NUP214: variants seen among roughly 807,000 people sequenced by gnomAD.
The protein encoded by NUP214 is nuclear pore complex protein Nup214.
NUP214 carries 79 observed loss-of-function variants against 196.2 expected under a neutral mutation model. That is an observed-to-expected ratio of 0.40 (90% CI 0.34 to 0.49). The LOEUF (loss-of-function observed/expected upper bound fraction) is 0.49, where lower values mean the gene tolerates loss of function less well. Among genes scored for constraint, NUP214 ranks in the 20% least tolerant of loss-of-function variants. NUP214 has a pLI of 0.58. For missense variants in NUP214, 2,468 were observed against 2,539.0 expected (o/e 0.97, Z 0.60); for synonymous variants, 1,020 against 990.5 (o/e 1.03, Z -0.56).
intron 32 of NUP214, 99 bp downstream of exon 32, chr9:131,223,029 A>G (rs909379834): frequency 5.1e-6 from 6 of 1,180,518 alleles, no homozygotes; most frequent in Non-Finnish European, 3.5e-6. Flanking sequence ...ATCTTAAGAG[A>G]GTAGGATTGG....
At chr9:131,230,794 C>A in intron 34 of NUP214, 25 bp downstream of exon 34, 1 of 1,607,086 alleles carries the variant, frequency 6.2e-7, no homozygotes, top group Non-Finnish European at 8.5e-7. Context: ...GTTCTCCCCT[C>A]ACAAGCAAAA....
At chr9:131,161,772 G>A (rs1246643801) in intron 18 of NUP214, among the ~76,000 whole-genome samples, 2 of 152,128 alleles carry the variant, frequency 1.3e-5, no homozygotes, top group African/African-American at 4.8e-5. Flanking sequence ...ATTGTTAGGC[G>A]ATTTTGTCAT....
intron 17 of NUP214, among the ~76,000 whole-genome samples, chr9:131,152,412 A>T (rs1397570473): frequency 6.6e-6 from 1 of 152,144 alleles, no homozygotes. Context: ...TGACTGGCCA[A>T]AATTTTTTAT....
chr9:131,142,916 T>C (rs949283387), intron 11 of NUP214, among the ~76,000 whole-genome samples: 3 of 152,130 alleles, frequency 2.0e-5, no homozygotes, highest in Non-Finnish European at 4.4e-5. Flanking sequence ...AAATAGAAAA[T>C]ATTGACACAA....
intron 30 of NUP214, 122 bp from the exon 31 acceptor site, chr9:131,215,090 C>T: frequency 1.2e-6 from 1 of 833,900 alleles, no homozygotes. Flanking sequence ...AGCATTTGTA[C>T]CAGAACTAAT....
In NUP214 at chr9:131,134,922, A is replaced by G. The variant is rs769695339; in HGVS notation, c.856A>G (p.Ile286Val). The G allele has an allele frequency of 7.4e-6, 12 of 1,613,718 alleles. No individual in the cohort carries two copies. The highest frequency in any genetic ancestry group is 6.7e-5 in the East Asian group (3 of 44,898). The part of the protein sequence containing the change: ...LPKKEEKHPE[I>V]FVNFMEPCYG... The stretch of plus-strand genomic sequence containing the variant: ...GAAAAAAGAAGAAAAGCACCCAGAG[A>G]TATTTGTGAACTTTATGGAGCCCTG... Residue 286 changes from isoleucine (I) to valine (V), a missense_variant, in exon 8 of 36, where the codon ATA (isoleucine) becomes GTA (valine). By Grantham distance (29) the Ile-to-Val change is conservative. Around this residue, in one of 5 missense-constraint regions of NUP214, gnomAD observed 392 missense variants for 417.9 expected, o/e 0.94. Coordinates refer to ENST00000359428, the MANE Select transcript of NUP214 (RefSeq NM_005085.4).
In NUP214 at chr9:131,128,358, C is replaced by T; in HGVS notation, c.268C>T (p.Pro90Ser). 1 of 1,612,632 alleles carries T rather than the reference C, an allele frequency of 6.2e-7. No individual in the cohort carries two copies. The highest frequency in any genetic ancestry group is 8.5e-7 in the Non-Finnish European group (1 of 1,179,226). The change falls in exon 3 of 36, where the codon CCT (proline) becomes TCT (serine). Residue 90 changes from proline to serine, a missense_variant. Around this residue, in one of 5 missense-constraint regions of NUP214, gnomAD observed 392 missense variants for 417.9 expected, o/e 0.94. Transcript: ENST00000359428. Reference sequence around the variant, plus strand: ...TGATAAAGTCCAAGGCTTGCTAGTTCCTATGAAATTCCCAATCCATCACCT... The same window carrying T: ...TGATAAAGTCCAAGGCTTGCTAGTTTCTATGAAATTCCCAATCCATCACCT... Reference protein sequence around the residue: ...IVDKVQGLLVPMKFPIHHLAL... With the variant: ...IVDKVQGLLVSMKFPIHHLAL...
intron 13 of NUP214, among the ~76,000 whole-genome samples, chr9:131,147,188 A>G (rs573235082): frequency 1.9e-4 from 29 of 152,148 alleles, no homozygotes; most frequent in African/African-American, 7.0e-4. Flanking sequence ...AAGTCTTGCC[A>G]TGTTGCTCAG....
intron 22 of NUP214, among the ~76,000 whole-genome samples, chr9:131,174,831 C>T (rs1016639005): frequency 1.3e-5 from 2 of 152,150 alleles, no homozygotes; most frequent in Admixed American, 6.5e-5. Context: ...AAAGCAGTTG[C>T]TAGGCCATTG....
chr9:131,201,758 A>G (rs773412503), intron 30 of NUP214, 41 bp downstream of exon 30: 78 of 1,529,654 alleles, frequency 5.1e-5, no homozygotes, highest in East Asian at 6.7e-5. Flanking sequence ...ACATGTATCA[A>G]ACCCATTCAG....
At chr9:131,218,761 T>C (rs186704624) in intron 31 of NUP214, among the ~76,000 whole-genome samples, 1 of 152,080 alleles carries the variant, frequency 6.6e-6, no homozygotes, top group African/African-American at 2.4e-5. Flanking sequence ...TCCCACTGAC[T>C]ATAGGATAAA....
intron 30 of NUP214, 147 bp downstream of exon 30, chr9:131,201,864 T>G (rs1260175389): frequency 4.4e-6 from 3 of 676,938 alleles, no homozygotes; most frequent in Non-Finnish European, 7.8e-6. Flanking sequence ...TTCAGCTGCC[T>G]TGGAGGTGCA....
intron 17 of NUP214, among the ~76,000 whole-genome samples, chr9:131,156,574 C>CTT (rs547605944): frequency 7.9e-6 from 1 of 125,902 alleles, no homozygotes; most frequent in African/African-American, 2.9e-5. Context: ...TTTTTTTGTT[C>CTT]TTTTTTTTTT....
chr9:131,182,260 G>C (rs1449603063), intron 24 of NUP214, among the ~76,000 whole-genome samples: 1 of 152,180 alleles, frequency 6.6e-6, no homozygotes, highest in East Asian at 1.9e-4. Flanking sequence ...ATTTCTTATA[G>C]ATTAGGGGTC....
intron 30 of NUP214, among the ~76,000 whole-genome samples, chr9:131,206,433 A>T (rs1834090866): frequency 6.6e-6 from 1 of 151,306 alleles, no homozygotes; most frequent in South Asian, 2.1e-4. Flanking sequence ...GACATGAGCC[A>T]CTGTGCCCAA....
intron 30 of NUP214, among the ~76,000 whole-genome samples, chr9:131,212,858 A>G (rs1834284830): frequency 6.6e-6 from 1 of 152,210 alleles, no homozygotes; most frequent in Non-Finnish European, 1.5e-5. Context: ...GTAATAAAGG[A>G]TGAGAAGTAC....
At chr9:131,131,020 A>G (rs1831528981) in intron 5 of NUP214, among the ~76,000 whole-genome samples, 184 bp downstream of exon 5, 1 of 152,138 alleles carries the variant, frequency 6.6e-6, no homozygotes. Flanking sequence ...GGCACCCACT[A>G]TGTTGTGTTG....
Position 131,146,396 on chromosome 9 carries a change from C to A in NUP214, c.1945+92C>A. 1.5e-6 allele frequency: 2 copies of A among 1,301,032 alleles called. No homozygotes were observed. Among genetic ancestry groups the A allele is most frequent in the Non-Finnish European group, 2.2e-6 (2 of 924,738 alleles). 80.6% of individuals were successfully genotyped at this position (1,301,032 alleles called of 1,614,324 possible). ...AAGAGTCGTAGCTAACATAGTTGGACAAGGTTATTTTTTCTTGCTTCCTGT... is the reference window on the plus strand; with the variant it reads ...AAGAGTCGTAGCTAACATAGTTGGAAAAGGTTATTTTTTCTTGCTTCCTGT... On this transcript the variant is annotated intron_variant, in intron 13 of 35. Transcript: ENST00000359428. The surrounding 1 kb of genome is among the most constrained non-coding windows in gnomAD (Gnocchi z 4.6).
chr9:131,132,728 C>T lies in NUP214; in HGVS notation c.727+69C>T. 4.6e-6 allele frequency: 6 copies of T among 1,315,086 alleles called. No homozygotes were observed. In the Admixed American group the frequency reaches 8.7e-5, roughly 19 times the overall value. 81.5% of individuals were successfully genotyped at this position (1,315,086 alleles called of 1,614,324 possible). On this transcript the variant is annotated intron_variant, in intron 6 of 35. Transcript: ENST00000359428. The stretch of plus-strand genomic sequence containing the variant: ...TATGTATATTACAGAAATTCAAAAT[C>T]ATGTAATGTACCTGCTCAGTGAGGT...
Sources: gnomAD v4.1 joint callset for allele counts (sites outside exome capture counted in the v4.1 genomes callset) on GRCh38, gnomAD v4.1.1 for gene constraint, gnomAD v4.1.1 regional missense constraint, Gnocchi (gnomAD v3.1) non-coding constraint, MANE v1.5 for transcripts, NCBI Gene and HGNC (gene_info 2026-07-23, HGNC 2026-07-21) for gene names.